The following ATP5MJ variants were observed in gnomAD, a reference collection of about 807,000 sequenced individuals.
ATP5MJ encodes the protein ATP synthase F(0) complex subunit j, mitochondrial.
Under a neutral mutation model 8.3 loss-of-function variants are expected in ATP5MJ, and 4 were observed. That is an observed-to-expected ratio of 0.48 (90% CI 0.24 to 1.11). The LOEUF is 1.11. Among genes scored for constraint, ATP5MJ ranks in the 50% least tolerant of loss-of-function variants. ATP5MJ has a pLI of 0.18. For synonymous variants in ATP5MJ, 23 were observed against 21.3 expected (o/e 1.08, Z -0.23); for missense variants, 66 against 71.8 (o/e 0.92, Z 0.29).
chr14:103,919,579 G>A (rs967499138), intron 1 of ATP5MJ, among the ~76,000 whole-genome samples: 3 of 152,038 alleles, frequency 2.0e-5, no homozygotes, highest in African/African-American at 7.2e-5. Flanking sequence ...ATAAGGAAAA[G>A]GGCAAAGTAA....
chr14:103,918,515 C>G (rs1251667915), intron 1 of ATP5MJ, among the ~76,000 whole-genome samples: 1 of 151,992 alleles, frequency 6.6e-6, no homozygotes, highest in Non-Finnish European at 1.5e-5. Context: ...TGCCCGCCAC[C>G]ACGCCTGGCT....
chr14:103,913,881 G>A (rs2087601806), intron 3 of ATP5MJ, 80 bp downstream of exon 3: 1 of 1,503,922 alleles, frequency 6.6e-7, no homozygotes, highest in South Asian at 1.2e-5. Flanking sequence ...GATTTCAATT[G>A]AGAACAACGA....
In ATP5MJ at chr14:103,920,978, C is replaced by T. The variant is rs1236562742; in HGVS notation, c.-1+492G>A. On this transcript the variant is annotated intron_variant, in intron 1 of 3. Transcript: ENST00000286953. ...TGGGAAATGTCTGACCCGCGAGTTC[C>T]ATACAATTTCATTCAGCACCGTATG... 3.9e-6 allele frequency: 6 copies of T among 1,551,690 alleles called. No individual in the cohort carries two copies. The East Asian group carries it at 1.5e-4, about 38-fold the overall frequency.
intron 2 of ATP5MJ, chr14:103,914,402 G>A (rs1238106309): frequency 3.6e-6 from 2 of 563,300 alleles, no homozygotes; most frequent in African/African-American, 3.8e-5. Flanking sequence ...CACATACCAT[G>A]AACCCATACC....
intron 2 of ATP5MJ, chr14:103,914,849 A>AAAAAAAAAAAAAAAAAAG: frequency 2.7e-6 from 1 of 365,066 alleles, no homozygotes; most frequent in South Asian, 4.3e-5. Context: ...AAAAAAAAAA[A>AAAAAAAAAAAAAAAAAAG]AAAAAAAAGA....
In ATP5MJ at chr14:103,921,426, G is replaced by T; in HGVS notation, c.-1+44C>A. The T allele has an allele frequency of 8.9e-6, 2 of 225,298 alleles. 1 individual carries two copies. Among genetic ancestry groups the T allele is most frequent in the South Asian group, 1.3e-4 (2 of 15,892 alleles). 14.0% of individuals were successfully genotyped at this position (225,298 alleles called of 1,614,324 possible). ...GGCGGCTTCTCGCCCTCCCGCCCCC[G>T]CCGTCTCGCACCTCGGGAGCCAGGT... On this transcript the variant is annotated intron_variant, in intron 1 of 3. Coordinates refer to ENST00000286953, the MANE Select transcript of ATP5MJ (RefSeq NM_004894.3).
chr14:103,920,968 C>T, intron 1 of ATP5MJ: 1 of 1,551,654 alleles, frequency 6.4e-7, no homozygotes, highest in East Asian at 2.4e-5. Flanking sequence ...AATGTCTGAC[C>T]CGCGAGTTCC....
chr14:103,915,268 G>A, intron 1 of ATP5MJ, 79 bp from the exon 2 acceptor site: 3 of 1,531,102 alleles, frequency 2.0e-6, no homozygotes, highest in Non-Finnish European at 2.7e-6. Context: ...AATTTGTTAA[G>A]TTCAACCCCA....
intron 1 of ATP5MJ, among the ~76,000 whole-genome samples, chr14:103,918,393 G>A (rs1408239578): frequency 1.3e-5 from 2 of 151,144 alleles, no homozygotes; most frequent in Admixed American, 6.6e-5. Context: ...ACGGAGTCTC[G>A]CTCTGTCACC....
At chr14:103,918,935 T>C (rs551495628) in intron 1 of ATP5MJ, among the ~76,000 whole-genome samples, 1 of 151,406 alleles carries the variant, frequency 6.6e-6, no homozygotes, top group African/African-American at 2.4e-5. Flanking sequence ...GGCAGGAGAA[T>C]GGCGTGAACC....
At chr14:103,919,246 T>C (rs1197847878) in intron 1 of ATP5MJ, among the ~76,000 whole-genome samples, 1 of 150,142 alleles carries the variant, frequency 6.7e-6, no homozygotes, top group African/African-American at 2.5e-5. Context: ...CTGGGCATGG[T>C]GGTGGGCGCC....
At chr14:103,914,068 C>T (rs1423757152) in intron 2 of ATP5MJ, 84 bp from the exon 3 acceptor site, 13 of 1,293,594 alleles carry the variant, frequency 1.0e-5, no homozygotes, top group African/African-American at 6.0e-5. Context: ...TAGCTGAAGG[C>T]ATTGTAGCTT....
intron 1 of ATP5MJ, among the ~76,000 whole-genome samples, chr14:103,915,472 G>A (rs2087617811): frequency 6.6e-6 from 1 of 151,870 alleles, no homozygotes; most frequent in Non-Finnish European, 1.5e-5. Flanking sequence ...TCAGCCTCCC[G>A]AGTAGCTGGG....
intron 3 of ATP5MJ, 134 bp downstream of exon 3, chr14:103,913,827 G>A (rs1273776586): frequency 1.0e-6 from 1 of 1,000,866 alleles, no homozygotes; most frequent in Non-Finnish European, 1.5e-6. Context: ...TTCAAGCTGT[G>A]AAGCATTTCA....
In ATP5MJ at chr14:103,912,543, C is replaced by T. The variant is rs772198967; in HGVS notation, c.*123G>A. The T allele has an allele frequency of 3.0e-6, 3 of 1,002,630 alleles. No individual in the cohort carries two copies. Among genetic ancestry groups the T allele is most frequent in the Non-Finnish European group, 4.6e-6 (3 of 648,800 alleles). 62.1% of individuals were successfully genotyped at this position (1,002,630 alleles called of 1,614,324 possible). ...CATCTCACAGATCCATTTATTCATG[C>T]CATGAAGTAAACGGTACTTATACAA... On this transcript the variant is annotated 3_prime_UTR_variant, in exon 4 of 4. Coordinates refer to ENST00000286953, the MANE Select transcript of ATP5MJ (RefSeq NM_004894.3).
chr14:103,915,134 T>C lies in ATP5MJ; in HGVS notation c.56A>G (p.Lys19Arg), dbSNP rs1231667163. The C allele has an allele frequency of 4.3e-6, 7 of 1,614,038 alleles. No homozygotes were observed. The highest frequency in any genetic ancestry group is 5.9e-6 in the Non-Finnish European group (7 of 1,179,946). The change falls in exon 2 of 4, where the codon AAA becomes AGA. Residue 19 changes from lysine to arginine, a missense_variant. Physicochemically the swap from Lys to Arg is conservative, Grantham distance 26. Coordinates refer to ENST00000286953, the MANE Select transcript of ATP5MJ (RefSeq NM_004894.3). Reference protein sequence around the residue: ...IWIPMKPYYTKVYQEIWIGMG... With the variant: ...IWIPMKPYYTRVYQEIWIGMG... ...TCCTATCCAAATCTCCTGGTAAACT[T>C]TGGTGTAGTAGGGCTTCATGGGGAT...
At chr14:103,920,808 C>A in intron 1 of ATP5MJ, 1 of 778,982 alleles carries the variant, frequency 1.3e-6, no homozygotes, top group Non-Finnish European at 2.2e-6. Flanking sequence ...GGCACATTTC[C>A]TAGCTGTGTG....
Position 103,912,322 on chromosome 14 carries a change from G to A in ATP5MJ, c.*344C>T. ...GGATCAAGTTTAATAAACGTTTATT[G>A]AGCAGTAGAATACAAGTGAGTGCCT... On this transcript the variant is annotated 3_prime_UTR_variant, in exon 4 of 4. Transcript: ENST00000286953. 1 of 255,578 alleles carries A rather than the reference G, an allele frequency of 3.9e-6. No individual in the cohort carries two copies. 15.8% of individuals were successfully genotyped at this position (255,578 alleles called of 1,614,324 possible).
chr14:103,914,411 C>T, intron 2 of ATP5MJ: 1 of 571,008 alleles, frequency 1.8e-6, no homozygotes, highest in Admixed American at 2.9e-5. Context: ...TGAACCCATA[C>T]CTTAAATATT....
Sources: allele counts gnomAD v4.1 joint callset (sites outside exome capture counted in the v4.1 genomes callset), GRCh38; gene constraint gnomAD v4.1.1; transcripts MANE v1.5; gene names NCBI Gene and HGNC (gene_info 2026-07-23, HGNC 2026-07-21).